GRM7: variants seen among roughly 807,000 people sequenced by gnomAD.
GRM7 encodes metabotropic glutamate receptor 7.
GRM7 carries 35 observed loss-of-function variants against 84.5 expected under a neutral mutation model. The ratio of observed to expected loss-of-function variants is 0.41; its 90% CI spans 0.32 to 0.55. The LOEUF is 0.55. Ranked by LOEUF, GRM7 falls within the 20% of genes least tolerant of loss-of-function variation. GRM7 has a pLI of 0.19. For synonymous variants in GRM7, 487 were observed against 455.1 expected (o/e 1.07, Z -0.89); for missense variants, 1,003 against 1,194.6 (o/e 0.84, Z 2.36).
At chr3:7,230,877 T>C (rs1697171968) in intron 2 of GRM7, among the ~76,000 whole-genome samples, 1 of 152,164 alleles carries the variant, frequency 6.6e-6, no homozygotes, top group Non-Finnish European at 1.5e-5. Flanking sequence ...TTTTAGTATA[T>C]TCATGAATCT....
chr3:7,672,847 G>A (rs569779485), intron 8 of GRM7, among the ~76,000 whole-genome samples: 20 of 151,992 alleles, frequency 1.3e-4, no homozygotes, highest in South Asian at 1.0e-3. Context: ...CGCCTGCCTC[G>A]GCCTCCCAAA....
intron 8 of GRM7, among the ~76,000 whole-genome samples, chr3:7,631,522 A>T (rs1479663886): frequency 6.6e-6 from 1 of 152,192 alleles, no homozygotes; most frequent in Non-Finnish European, 1.5e-5. Context: ...TTCTGGAACC[A>T]TGCTGTTTAA....
chr3:7,418,349 A>C (rs1696258133), intron 5 of GRM7, among the ~76,000 whole-genome samples: 1 of 152,164 alleles, frequency 6.6e-6, no homozygotes, highest in Admixed American at 6.6e-5. Flanking sequence ...ACTCAGCGTG[A>C]AATGCAGTTC....
At chr3:7,304,308 CTT>C (rs34986687) in intron 3 of GRM7, among the ~76,000 whole-genome samples, 150 of 98,018 alleles carry the variant, frequency 1.5e-3, no homozygotes, top group East Asian at 4.2e-3. Flanking sequence ...ATCATCCATC[CTT>C]TTTTTTTTTT....
chr3:6,908,850 G>C (rs1018431397), intron 1 of GRM7, among the ~76,000 whole-genome samples: 5 of 152,144 alleles, frequency 3.3e-5, no homozygotes, highest in African/African-American at 1.2e-4. Context: ...GATATGTCTT[G>C]TGGTCTGACT....
intron 2 of GRM7, among the ~76,000 whole-genome samples, chr3:7,276,745 CTG>C (rs1325005961): frequency 3.3e-4 from 50 of 150,564 alleles, no homozygotes; most frequent in African/African-American, 1.2e-3. Flanking sequence ...CTGTTTCTTT[CTG>C]TTTCTTTCTC....
At chr3:7,208,504 C>T (rs974930581) in intron 2 of GRM7, among the ~76,000 whole-genome samples, 1 of 152,078 alleles carries the variant, frequency 6.6e-6, no homozygotes, top group Non-Finnish European at 1.5e-5. Flanking sequence ...ATATTGAGCC[C>T]CTTCTGTGTA....
chr3:7,677,383 T>A (rs1452517129), intron 8 of GRM7, among the ~76,000 whole-genome samples: 1 of 151,672 alleles, frequency 6.6e-6, no homozygotes, highest in Non-Finnish European at 1.5e-5. Flanking sequence ...GACAACATTA[T>A]GAGGTAGGTA....
intron 9 of GRM7, among the ~76,000 whole-genome samples, chr3:7,698,015 GA>G (rs1701083855): frequency 6.6e-6 from 1 of 152,212 alleles, no homozygotes. Flanking sequence ...TTAATTTACA[GA>G]GTGGTTACTC....
chr3:7,413,735 G>T (rs1696042751), intron 4 of GRM7, among the ~76,000 whole-genome samples: 1 of 152,190 alleles, frequency 6.6e-6, no homozygotes, highest in African/African-American at 2.4e-5. Context: ...GGAGCGTCTA[G>T]TAGAGAAAGA....
At chr3:7,373,878 C>A (rs116692741) in intron 4 of GRM7, among the ~76,000 whole-genome samples, 1 of 152,128 alleles carries the variant, frequency 6.6e-6, no homozygotes, top group Non-Finnish European at 1.5e-5. Context: ...TTGGAAATGT[C>A]GCTTGTATGA....
chr3:7,081,478 G>T (rs1698272848), intron 1 of GRM7, among the ~76,000 whole-genome samples: 1 of 151,994 alleles, frequency 6.6e-6, no homozygotes, highest in African/African-American at 2.4e-5. Flanking sequence ...GGTTCTGCTT[G>T]CACTTCTCCC....
intron 2 of GRM7, among the ~76,000 whole-genome samples, chr3:7,184,296 C>T (rs938905773): frequency 3.9e-5 from 6 of 151,942 alleles, no homozygotes; most frequent in Admixed American, 2.0e-4. Context: ...TAGACATTGC[C>T]CCTACTGTGA....
At chr3:7,256,169 C>T (rs1175351090) in intron 2 of GRM7, among the ~76,000 whole-genome samples, 1 of 152,136 alleles carries the variant, frequency 6.6e-6, no homozygotes, top group Non-Finnish European at 1.5e-5. Flanking sequence ...TACTTGTCTC[C>T]TTATTCTTCA....
At chr3:6,886,915 T>A (rs2124973834) in intron 1 of GRM7, among the ~76,000 whole-genome samples, 1 of 152,150 alleles carries the variant, frequency 6.6e-6, no homozygotes, top group Middle Eastern at 3.4e-3. Flanking sequence ...TCAGAGGACA[T>A]TGAGGATCAG....
At chr3:7,696,514 G>A (rs1701025914) in intron 9 of GRM7, among the ~76,000 whole-genome samples, 1 of 152,150 alleles carries the variant, frequency 6.6e-6, no homozygotes, top group African/African-American at 2.4e-5. Context: ...ATCATGCCAT[G>A]TTTCCTTAGT....
At chr3:7,693,557 G>A in intron 9 of GRM7, 2 of 896,462 alleles carry the variant, frequency 2.2e-6, no homozygotes, top group South Asian at 1.4e-5. Context: ...TGTCATGTTT[G>A]CAAATTTCAT....
At chr3:7,566,698 G>GT (rs1436081803) in intron 7 of GRM7, among the ~76,000 whole-genome samples, 11 of 151,996 alleles carry the variant, frequency 7.2e-5, no homozygotes, top group African/African-American at 2.7e-4. Flanking sequence ...GATGGATATT[G>GT]TTTGGCAATC....
intron 8 of GRM7, chr3:7,607,293 T>G (rs1450599068): frequency 6.9e-6 from 1 of 145,830 alleles, no homozygotes; most frequent in Admixed American, 6.7e-5. Context: ...TCAGTTTCAA[T>G]AAGCATTGTA....
Sources: gnomAD v4.1 joint callset for allele counts (sites outside exome capture counted in the v4.1 genomes callset) on GRCh38, gnomAD v4.1.1 for gene constraint, MANE v1.5 for transcripts, NCBI Gene and HGNC (gene_info 2026-07-23, HGNC 2026-07-21) for gene names.